The following BMP8B variants were observed in gnomAD, a reference collection of about 807,000 sequenced individuals.
BMP8B encodes the protein bone morphogenetic protein 8 (osteogenic protein 2).
BMP8B carries 17 observed loss-of-function variants against 30.3 expected under a neutral mutation model. That is an observed-to-expected ratio of 0.56 (90% CI 0.38 to 0.84). BMP8B has a LOEUF of 0.84. Among genes scored for constraint, BMP8B ranks in the 40% least tolerant of loss-of-function variants. BMP8B has a pLI of 0.00. For missense variants in BMP8B, 253 were observed against 494.6 expected (o/e 0.51, Z 4.63); for synonymous variants, 131 against 214.7 (o/e 0.61, Z 3.41).
rs779183881 is a variant in BMP8B at position 39,770,589 on chromosome 1, A to T, written c.673+3719T>A. ...TTGAAATTGCGGGCGCTTCTCCTGAAGACCACGTTTCCTGCCCGGTCGGCC... is the reference window on the plus strand; with the variant it reads ...TTGAAATTGCGGGCGCTTCTCCTGATGACCACGTTTCCTGCCCGGTCGGCC... On this transcript the variant is annotated intron_variant, in intron 3 of 6. Transcript: ENST00000372827. 3.7e-6 allele frequency: 6 copies of T among 1,600,186 alleles called. No homozygotes were observed. In the Admixed American group the frequency reaches 8.4e-5, roughly 22 times the overall value.
intron 1 of BMP8B, among the ~76,000 whole-genome samples, chr1:39,787,314 C>T (rs1418916549): frequency 2.0e-5 from 3 of 152,176 alleles, no homozygotes; most frequent in African/African-American, 7.2e-5. Context: ...TTCCCCAGAC[C>T]CCAGACTGTC....
rs566745642 is a variant in BMP8B at position 39,760,407 on chromosome 1, G to A, written c.*12C>T. 54 of 1,613,380 alleles carry A rather than the reference G, an allele frequency of 3.3e-5. No individual in the cohort carries two copies. Among genetic ancestry groups the A allele is most frequent in the East Asian group, 8.9e-5 (4 of 44,882 alleles). ...TGAGAAGGGTGGCTGCAGCTGGGCC[G>A]GGCGGGTGGACTCAGTGGCAGCCGC... On this transcript the variant is annotated 3_prime_UTR_variant, in exon 7 of 7. Coordinates refer to ENST00000372827, the MANE Select transcript of BMP8B (RefSeq NM_001720.5).
intron 1 of BMP8B, among the ~76,000 whole-genome samples, chr1:39,775,645 A>C (rs1650174828): frequency 6.6e-6 from 1 of 152,240 alleles, no homozygotes; most frequent in African/African-American, 2.4e-5. Flanking sequence ...CGGCCAGCCA[A>C]GGCAGAGGGC....
In BMP8B at chr1:39,774,277, G is replaced by A; in HGVS notation, c.673+31C>T. ...CCGCTGCCTGTGCTGGCACAGAGAA[G>A]CCCCAGGGGCTGCAGAGCCCCCAGC... On this transcript the variant is annotated intron_variant, in intron 3 of 6. Coordinates refer to ENST00000372827, the MANE Select transcript of BMP8B (RefSeq NM_001720.5). 3 of 128,178 alleles carry A rather than the reference G, an allele frequency of 2.3e-5. 1 individual carries two copies. The highest frequency in any genetic ancestry group is 1.3e-4 in the South Asian group (3 of 23,972). 7.9% of individuals were successfully genotyped at this position (128,178 alleles called of 1,614,324 possible).
At position 39,759,933 on chromosome 1, in the gene BMP8B, C is replaced by T. The variant is rs147863989; in HGVS notation, c.*486G>A. 26 of 172,380 alleles carry T rather than the reference C, an allele frequency of 1.5e-4. No individual in the cohort carries two copies. The highest frequency in any genetic ancestry group is 2.3e-4 in the Admixed American group (4 of 17,718). 10.7% of individuals were successfully genotyped at this position (172,380 alleles called of 1,614,324 possible). On this transcript the variant is annotated 3_prime_UTR_variant, in exon 7 of 7. Coordinates refer to ENST00000372827, the MANE Select transcript of BMP8B (RefSeq NM_001720.5). ...TTCAGGGGTTATCCAGTTTTATACC[C>T]CACCTTGCACCTCGGGCAGGCAATG...
At chr1:39,784,006 G>A (rs992714504) in intron 1 of BMP8B, among the ~76,000 whole-genome samples, 2 of 152,216 alleles carry the variant, frequency 1.3e-5, no homozygotes, top group African/African-American at 2.4e-5. Context: ...TGCATTTAAC[G>A]GTGGGCCAGG....
intron 6 of BMP8B, chr1:39,762,432 C>T (rs572689985): frequency 2.6e-5 from 38 of 1,451,290 alleles, no homozygotes; most frequent in Middle Eastern, 1.8e-4. Flanking sequence ...AAGGAAGCCT[C>T]GGTGCCAGAA....
chr1:39,771,126 C>T (rs774090598), intron 3 of BMP8B: 17 of 1,555,996 alleles, frequency 1.1e-5, no homozygotes, highest in Admixed American at 1.7e-5. Context: ...ACCGGGTCCG[C>T]GTAGAACTTG....
Position 39,760,336 on chromosome 1 carries a change from C to A in BMP8B, c.*83G>T, listed in dbSNP as rs1019000457. On this transcript the variant is annotated 3_prime_UTR_variant, in exon 7 of 7. Transcript: ENST00000372827. ...CCCTGGCAATGCCCCGGCCTGGGGT[C>A]TGGCTGGGTTTGAGGGTTTCCTGCT... 1.9e-6 allele frequency: 3 copies of A among 1,582,070 alleles called. No individual in the cohort carries two copies. The highest frequency in any genetic ancestry group is 2.6e-6 in the Non-Finnish European group (3 of 1,166,350).
chr1:39,785,410 C>T lies in BMP8B; in HGVS notation c.334+2742G>A, dbSNP rs933363754. 4.6e-5 allele frequency among the ~76,000 whole-genome samples: 7 copies of T among 151,474 alleles called. 1 individual carries two copies. The highest frequency in any genetic ancestry group is 9.7e-5 in the African/African-American group (4 of 41,180). On this transcript the variant is annotated intron_variant, in intron 1 of 6. Transcript: ENST00000372827. ...CCAGGCAGGGCCCCGGCTCTGACCC[C>T]AGCCCTGGCCTCCCAGTGCAGGCTC... is the stretch of plus-strand genomic sequence containing the variant.
intron 3 of BMP8B, among the ~76,000 whole-genome samples, chr1:39,767,207 A>G (rs896050231): frequency 6.6e-6 from 1 of 152,150 alleles, no homozygotes; most frequent in African/African-American, 2.4e-5. Context: ...TGTAGGTCTC[A>G]CAGGCCAGGC....
At chr1:39,762,055 G>C (rs941043339) in intron 6 of BMP8B, among the ~76,000 whole-genome samples, 5 of 152,200 alleles carry the variant, frequency 3.3e-5, no homozygotes, top group Admixed American at 3.3e-4. Context: ...GGGTGGCTGG[G>C]CTGGGCCGCC....
In BMP8B at chr1:39,770,732, G is replaced by A. The variant is rs1649909823; in HGVS notation, c.673+3576C>T. 4.5e-6 allele frequency: 5 copies of A among 1,102,734 alleles called. No individual in the cohort carries two copies. Among genetic ancestry groups the A allele is most frequent in the Admixed American group, 2.8e-5 (1 of 35,634 alleles). 68.3% of individuals were successfully genotyped at this position (1,102,734 alleles called of 1,614,324 possible). ...CATGAGCGCCAGGTGGCCGTCCGGG[G>A]TGTAGCGGATGGGGGCGCCCCCTTC... On this transcript the variant is annotated intron_variant, in intron 3 of 6. Transcript: ENST00000372827.
rs114504148 is a variant in BMP8B at position 39,779,977 on chromosome 1, C to A, written c.335-4939G>T. Among the ~76,000 whole-genome samples, 699 of 152,350 alleles carry A rather than the reference C, an allele frequency of 4.6e-3. 8 individuals are homozygous for A. The highest frequency in any genetic ancestry group is 0.016 in the African/African-American group (655 of 41,572). ...AGGGCTGCAGTCTCTGAAGACTTAG[C>A]TGGGGCTGACGGATCCACTTCCACG... On this transcript the variant is annotated intron_variant, in intron 1 of 6. Transcript: ENST00000372827.
chr1:39,776,550 T>C (rs1650244450), intron 1 of BMP8B, among the ~76,000 whole-genome samples: 1 of 152,078 alleles, frequency 6.6e-6, no homozygotes, highest in Non-Finnish European at 1.5e-5. Context: ...GGGGACCTGG[T>C]CCGGCCATGG....
intron 1 of BMP8B, among the ~76,000 whole-genome samples, chr1:39,782,428 C>T (rs1004026572): frequency 6.6e-6 from 1 of 151,926 alleles, no homozygotes; most frequent in Non-Finnish European, 1.5e-5. Context: ...CCTCATAATA[C>T]AGCCACTTAT....
intron 1 of BMP8B, among the ~76,000 whole-genome samples, chr1:39,779,666 G>T (rs1183452312): frequency 6.6e-6 from 1 of 152,208 alleles, no homozygotes; most frequent in Non-Finnish European, 1.5e-5. Flanking sequence ...GAACTGAAGA[G>T]TCACCCAGGG....
chr1:39,757,381 C>T lies in BMP8B; in HGVS notation c.*3038G>A, dbSNP rs1475133977. The T allele has an allele frequency of 6.6e-6, 1 of 152,212 alleles. No individual in the cohort carries two copies. Among genetic ancestry groups the T allele is most frequent in the Non-Finnish European group, 1.5e-5 (1 of 68,050 alleles). The allele number at this position is 152,212 out of a possible 1,614,324, so 9.4% of individuals were successfully genotyped here. On this transcript the variant is annotated 3_prime_UTR_variant, in exon 7 of 7. Transcript: ENST00000372827. ...ATACTCTACAAAGGAAGAAGCAGAA[C>T]CAGGATTCAAATCTATTTGGCACCA...
chr1:39,779,601 C>A (rs1312289325), intron 1 of BMP8B, among the ~76,000 whole-genome samples: 1 of 152,168 alleles, frequency 6.6e-6, no homozygotes, highest in Admixed American at 6.5e-5. Flanking sequence ...AAGAAGGAGG[C>A]AGAGAAAACT....
Sources: gnomAD v4.1 joint callset for allele counts (sites outside exome capture counted in the v4.1 genomes callset) on GRCh38, gnomAD v4.1.1 for gene constraint, MANE v1.5 for transcripts, NCBI Gene and HGNC (gene_info 2026-07-23, HGNC 2026-07-21) for gene names.